The following FAM118B variants were observed in gnomAD, a reference collection of about 807,000 sequenced individuals.
FAM118B encodes SIR2 antiphage like 1.
A neutral mutation model predicts 38.5 loss-of-function variants in FAM118B; 24 were observed. That is an observed-to-expected ratio of 0.62 (90% CI 0.45 to 0.88). The LOEUF is 0.88. Among genes scored for constraint, FAM118B ranks in the 40% least tolerant of loss-of-function variants. The pLI, the probability that FAM118B is intolerant of heterozygous loss-of-function variation, is 0.00. For synonymous variants in FAM118B, 138 were observed against 156.3 expected (o/e 0.88, Z 0.87); for missense variants, 334 against 420.0 (o/e 0.80, Z 1.79).
intron 2 of FAM118B, among the ~76,000 whole-genome samples, chr11:126,233,313 T>C (rs1355949090): frequency 6.6e-6 from 1 of 152,084 alleles, no homozygotes; most frequent in Non-Finnish European, 1.5e-5. Context: ...CTGTCTCTAC[T>C]AAAAATACAA....
At chr11:126,257,053 A>C (rs973753435) in intron 7 of FAM118B, among the ~76,000 whole-genome samples, 4 of 152,262 alleles carry the variant, frequency 2.6e-5, no homozygotes, top group Non-Finnish European at 4.4e-5. Context: ...ATACTTGAGC[A>C]GTTCAATATA....
intron 1 of FAM118B, among the ~76,000 whole-genome samples, chr11:126,227,104 C>A (rs1231685597): frequency 2.0e-5 from 3 of 147,024 alleles, no homozygotes; most frequent in African/African-American, 7.6e-5. Flanking sequence ...GTTCTGTCAC[C>A]CAGGCTGGAG....
chr11:126,233,569 C>A (rs1950234127), intron 2 of FAM118B: 3 of 354,162 alleles, frequency 8.5e-6, no homozygotes, highest in Non-Finnish European at 1.6e-5. Context: ...ACTCATCTGT[C>A]TTCTCCTGAG....
At chr11:126,239,607 A>C (rs776634776) in intron 3 of FAM118B, among the ~76,000 whole-genome samples, 3 of 152,094 alleles carry the variant, frequency 2.0e-5, no homozygotes, top group Non-Finnish European at 4.4e-5. Context: ...TGTCTGGTAC[A>C]TACAGGTTTT....
At chr11:126,240,301 G>A (rs1327964478) in intron 3 of FAM118B, among the ~76,000 whole-genome samples, 2 of 146,890 alleles carry the variant, frequency 1.4e-5, no homozygotes, top group African/African-American at 5.0e-5. Context: ...TGAGGTTAAT[G>A]TTTACAAAAT....
intron 1 of FAM118B, 110 bp from the exon 2 acceptor site, chr11:126,229,114 AC>A (rs1408156358): frequency 2.0e-5 from 3 of 152,188 alleles, no homozygotes; most frequent in South Asian, 4.1e-4. Context: ...TTAATGAATA[AC>A]CTATGCCATT....
chr11:126,237,869 A>G (rs1176004433), intron 3 of FAM118B, among the ~76,000 whole-genome samples: 7 of 150,652 alleles, frequency 4.6e-5, no homozygotes, highest in African/African-American at 7.3e-5. Context: ...AAAAAAAAAA[A>G]AAAAGAAAAG....
chr11:126,243,413 G>A (rs1950382468), intron 4 of FAM118B, among the ~76,000 whole-genome samples: 1 of 151,238 alleles, frequency 6.6e-6, no homozygotes, highest in Admixed American at 6.6e-5. Flanking sequence ...CCACTGAGCT[G>A]TGATCGTGCT....
At chr11:126,232,018 G>A (rs943428737) in intron 2 of FAM118B, among the ~76,000 whole-genome samples, 5 of 152,270 alleles carry the variant, frequency 3.3e-5, no homozygotes, top group African/African-American at 9.6e-5. Flanking sequence ...CTAGAATGCA[G>A]GCACTTCCTT....
chr11:126,239,442 T>C (rs1283942810), intron 3 of FAM118B, among the ~76,000 whole-genome samples: 1 of 152,224 alleles, frequency 6.6e-6, no homozygotes, highest in East Asian at 1.9e-4. Flanking sequence ...TATTTGTTTA[T>C]GTGGATTTGT....
At chr11:126,222,247 G>C (rs1950073232) in intron 1 of FAM118B, among the ~76,000 whole-genome samples, 1 of 152,188 alleles carries the variant, frequency 6.6e-6, no homozygotes, top group Non-Finnish European at 1.5e-5. Flanking sequence ...GGAAAACAGT[G>C]CCTGGCTTAC....
chr11:126,260,215 T>C (rs1167050885), intron 7 of FAM118B, among the ~76,000 whole-genome samples: 1 of 151,830 alleles, frequency 6.6e-6, no homozygotes, highest in Non-Finnish European at 1.5e-5. Flanking sequence ...GTATTTTTTG[T>C]AGAGATGGGG....
chr11:126,223,487 A>G (rs1272906889), intron 1 of FAM118B, among the ~76,000 whole-genome samples: 1 of 151,052 alleles, frequency 6.6e-6, no homozygotes, highest in East Asian at 2.0e-4. Flanking sequence ...AGTCCCAGCT[A>G]CTCGGGAGGC....
In FAM118B at chr11:126,262,129, CAT is replaced by C; in HGVS notation, c.1053_1054del (p.Ter352SerfsTer24). The C allele has an allele frequency of 6.2e-7, 1 of 1,614,076 alleles. No individual in the cohort carries two copies. Among genetic ancestry groups the C allele is most frequent in the African/African-American group, 1.3e-5 (1 of 75,036 alleles). ...TTCTTTCTCCCTACAGGCTGTAGTA[CAT>C]GAGCGAGCTAGAGAAATCACCACCG... On this transcript the variant is annotated frameshift_variant and stop_lost, in exon 9 of 9. Transcript: ENST00000533050. LOFTEE classifies it high-confidence loss of function.
At position 126,250,455 on chromosome 11, in the gene FAM118B, G is replaced by A; in HGVS notation, c.340-51G>A. ...TGTTACTGCTGTAACTAAAACAACT[G>A]ACCTACCAAAGCACTTTGGACTAAT... On this transcript the variant is annotated intron_variant, in intron 4 of 8. Coordinates refer to ENST00000533050, the MANE Select transcript of FAM118B (RefSeq NM_024556.4). This position sits in a 1 kb window ranked among gnomAD's most constrained non-coding sequence, Gnocchi z 5.1. 2 of 1,293,476 alleles carry A rather than the reference G, an allele frequency of 1.5e-6. No individual in the cohort carries two copies. The highest frequency in any genetic ancestry group is 2.2e-6 in the Non-Finnish European group (2 of 900,320). The allele number at this position is 1,293,476 out of a possible 1,614,324, so 80.1% of individuals were successfully genotyped here.
chr11:126,232,305 G>T (rs1950216401), intron 2 of FAM118B, among the ~76,000 whole-genome samples: 1 of 152,118 alleles, frequency 6.6e-6, no homozygotes, highest in Non-Finnish European at 1.5e-5. Context: ...CAGTTGCCAT[G>T]GTTTGAATAC....
intron 1 of FAM118B, among the ~76,000 whole-genome samples, chr11:126,226,501 G>C (rs1950142461): frequency 6.6e-6 from 1 of 152,114 alleles, no homozygotes; most frequent in African/African-American, 2.4e-5. Flanking sequence ...CGTGGCGCAA[G>C]TTCCTATCAC....
intron 1 of FAM118B, among the ~76,000 whole-genome samples, chr11:126,216,771 A>C (rs1336685808): frequency 6.6e-6 from 1 of 152,256 alleles, no homozygotes; most frequent in Non-Finnish European, 1.5e-5. Flanking sequence ...TTTCCAAAGC[A>C]ATCAATCACC....
rs183812072 is a variant in FAM118B at position 126,254,409 on chromosome 11, C to T, written c.672C>T (p.Asn224=). The T allele has an allele frequency of 2.8e-4, 452 of 1,614,226 alleles. 5 individuals carry two copies. In the East Asian group the frequency reaches 7.2e-3, roughly 26 times the overall value. ...TCCTTCATCCGGCTGGATATCAGAA[C>T]GTGCTCAGGAACACTGAAGTCATGG... ...GIVLHPAGYQ[N]VLRNTEVMRE... Residue 224 remains asparagine, a synonymous_variant, in exon 6 of 9, where the codon AAC becomes AAT. Transcript: ENST00000533050.
Sources: gnomAD v4.1 joint callset for allele counts (sites outside exome capture counted in the v4.1 genomes callset) on GRCh38, gnomAD v4.1.1 for gene constraint, Gnocchi (gnomAD v3.1) non-coding constraint, MANE v1.5 for transcripts, NCBI Gene and HGNC (gene_info 2026-07-23, HGNC 2026-07-21) for gene names.